Variants in CSMD1 observed in about 807,000 individuals in gnomAD.
CSMD1 encodes the protein CUB and sushi domain-containing protein 1.
Under a neutral mutation model 417.5 loss-of-function variants are expected in CSMD1, and 213 were observed. The ratio of observed to expected loss-of-function variants is 0.51; its 90% CI spans 0.46 to 0.57. The LOEUF (loss-of-function observed/expected upper bound fraction) is 0.57, where lower values mean the gene tolerates loss of function less well. Ranked by LOEUF, CSMD1 falls within the 20% of genes least tolerant of loss-of-function variation. The pLI is 0.00. For missense variants in CSMD1, 6,923 were observed against 4,529.7 expected, an observed-to-expected ratio of 1.53 and a Z score of -15.17; for synonymous variants, 2,862 against 1,736.8, an observed-to-expected ratio of 1.65 and a Z score of -16.11.
intron 3 of CSMD1, among the ~76,000 whole-genome samples, chr8:4,136,254 T>C (rs575322944): frequency 4.6e-5 from 7 of 152,312 alleles, no homozygotes; most frequent in South Asian, 2.1e-4. Flanking sequence ...ACTTGACAGA[T>C]TGTAACTTGA....
intron 26 of CSMD1, among the ~76,000 whole-genome samples, chr8:3,279,518 G>A (rs987504021): frequency 4.6e-5 from 7 of 152,136 alleles, no homozygotes; most frequent in African/African-American, 1.4e-4. Flanking sequence ...CACATGGTAC[G>A]TATGACAATC....
intron 30 of CSMD1, among the ~76,000 whole-genome samples, chr8:3,208,031 C>A (rs113080342): frequency 2.6e-5 from 4 of 152,254 alleles, no homozygotes; most frequent in African/African-American, 9.6e-5. Context: ...TTATGTCAGA[C>A]CTATCTTTCC....
At chr8:4,926,901 A>G (rs1224001367) in intron 1 of CSMD1, among the ~76,000 whole-genome samples, 1 of 152,112 alleles carries the variant, frequency 6.6e-6, no homozygotes, top group Non-Finnish European at 1.5e-5. Flanking sequence ...GAGCAAAGGT[A>G]ACTTTGTTTT....
intron 6 of CSMD1, among the ~76,000 whole-genome samples, chr8:3,710,334 C>A (rs913512142): frequency 6.6e-6 from 1 of 152,132 alleles, no homozygotes; most frequent in Non-Finnish European, 1.5e-5. Context: ...ATACCCACGA[C>A]CAACTGGCTT....
chr8:3,201,491 G>T, intron 32 of CSMD1, 121 bp downstream of exon 32: 2 of 488,208 alleles, frequency 4.1e-6, no homozygotes, highest in Non-Finnish European at 7.2e-6. Context: ...AAGCACACAC[G>T]CAAATTCAAA....
At chr8:4,848,803 C>G (rs1258895101) in intron 1 of CSMD1, among the ~76,000 whole-genome samples, 4 of 152,216 alleles carry the variant, frequency 2.6e-5, no homozygotes, top group African/African-American at 9.7e-5. Flanking sequence ...CTCAGCCTTC[C>G]AAAGTGCTGG....
chr8:4,311,771 G>A (rs1232991829), intron 3 of CSMD1, among the ~76,000 whole-genome samples: 7 of 151,358 alleles, frequency 4.6e-5, no homozygotes, highest in East Asian at 2.0e-4. Flanking sequence ...GTTCATAGAG[G>A]GGAACACATA....
intron 5 of CSMD1, among the ~76,000 whole-genome samples, chr8:3,789,487 G>A (rs1477851527): frequency 6.8e-6 from 1 of 146,436 alleles, no homozygotes; most frequent in Non-Finnish European, 1.5e-5. Flanking sequence ...AACAGGAAAA[G>A]GAATACAGAT....
At chr8:4,763,961 G>T (rs1397128486) in intron 1 of CSMD1, among the ~76,000 whole-genome samples, 1 of 152,136 alleles carries the variant, frequency 6.6e-6, no homozygotes, top group South Asian at 2.1e-4. Context: ...CTTATGACAT[G>T]TCAAAATATC....
intron 3 of CSMD1, among the ~76,000 whole-genome samples, chr8:4,066,572 G>A (rs559989550): frequency 1.3e-5 from 2 of 152,192 alleles, no homozygotes; most frequent in South Asian, 2.1e-4. Flanking sequence ...TACATGATGT[G>A]GTAATTGTAG....
intron 6 of CSMD1, among the ~76,000 whole-genome samples, chr8:3,751,060 G>A (rs1797313591): frequency 6.6e-6 from 1 of 152,058 alleles, no homozygotes; most frequent in Non-Finnish European, 1.5e-5. Flanking sequence ...CAGGCAGTCT[G>A]CGTAAATGTG....
chr8:3,658,690 G>A (rs965029619), intron 7 of CSMD1, among the ~76,000 whole-genome samples: 4 of 151,954 alleles, frequency 2.6e-5, no homozygotes, highest in African/African-American at 9.7e-5. Context: ...GGCTGAGGCA[G>A]GGGAAACACT....
chr8:4,647,153 G>A (rs1052373989), intron 1 of CSMD1, among the ~76,000 whole-genome samples: 3 of 151,926 alleles, frequency 2.0e-5, no homozygotes, highest in African/African-American at 4.8e-5. Context: ...TCACAAATGG[G>A]TTCATATCCA....
rs762388682 is a variant in CSMD1 at position 3,399,443 on chromosome 8, C to T, written c.2353G>A (p.Glu785Lys). The T allele has an allele frequency of 1.2e-6, 2 of 1,609,836 alleles. No homozygotes were observed. The highest frequency in any genetic ancestry group is 1.7e-6 in the Non-Finnish European group (2 of 1,178,118). The change falls in exon 16 of 70, where the codon GAA becomes AAA. Residue 785 changes from glutamate to lysine, a missense_variant. Transcript: ENST00000635120. The part of the protein sequence containing the change: ...PGYYKDSLHC[E>K]WIIEAKPGHS... ...CCTGGTTTTGCTTCAATTATCCATT[C>T]ACAATGTAAAGAATCCTTATAATAT...
At chr8:4,655,112 T>G (rs1804145978) in intron 1 of CSMD1, among the ~76,000 whole-genome samples, 1 of 152,052 alleles carries the variant, frequency 6.6e-6, no homozygotes, top group African/African-American at 2.4e-5. Flanking sequence ...ATATTACTAA[T>G]TTCAAGGGTT....
chr8:3,970,622 A>G (rs1226561103), intron 5 of CSMD1, among the ~76,000 whole-genome samples: 1 of 152,206 alleles, frequency 6.6e-6, no homozygotes, highest in African/African-American at 2.4e-5. Context: ...GAAACTCAAG[A>G]GGAATCTTCA....
At chr8:4,331,661 T>G (rs987509893) in intron 3 of CSMD1, among the ~76,000 whole-genome samples, 1 of 152,226 alleles carries the variant, frequency 6.6e-6, no homozygotes, top group Non-Finnish European at 1.5e-5. Flanking sequence ...AGCTAAAAGG[T>G]AGCCATCCCA....
chr8:3,132,076 C>T (rs905910657), intron 41 of CSMD1, among the ~76,000 whole-genome samples: 2 of 152,126 alleles, frequency 1.3e-5, no homozygotes, highest in Non-Finnish European at 2.9e-5. Flanking sequence ...AGGGTTCACA[C>T]GTGGCCTCCA....
intron 1 of CSMD1, among the ~76,000 whole-genome samples, chr8:4,780,766 A>G (rs1286736452): frequency 6.6e-6 from 1 of 152,032 alleles, no homozygotes; most frequent in African/African-American, 2.4e-5. Flanking sequence ...TATCATTTTT[A>G]TGCCTTTGTG....
Sources: gnomAD v4.1 joint callset for allele counts (sites outside exome capture counted in the v4.1 genomes callset) on GRCh38, gnomAD v4.1.1 for gene constraint, MANE v1.5 for transcripts, NCBI Gene and HGNC (gene_info 2026-07-23, HGNC 2026-07-21) for gene names.